Variants in STPG2 observed in about 807,000 individuals in gnomAD.
The protein encoded by STPG2 is sperm tail PG-rich repeat containing 2.
Under a neutral mutation model 54.2 loss-of-function variants are expected in STPG2, and 56 were observed. The observed-to-expected ratio is 1.03, with a 90% CI of 0.83 to 1.29. The LOEUF (loss-of-function observed/expected upper bound fraction) is 1.29, where lower values mean the gene tolerates loss of function less well. STPG2 is among the 50% of genes most tolerant of loss of function. The pLI is 0.00. For synonymous variants in STPG2, 200 were observed against 181.8 expected (o/e 1.10, Z -0.81); for missense variants, 596 against 544.9 (o/e 1.09, Z -0.93).
chr4:98,037,330 C>T (rs930960457), intron 5 of STPG2, among the ~76,000 whole-genome samples: 3 of 152,142 alleles, frequency 2.0e-5, no homozygotes, highest in Non-Finnish European at 4.4e-5. Context: ...AATGTATTCA[C>T]ATACTTTATG....
intron 4 of STPG2, among the ~76,000 whole-genome samples, chr4:97,490,341 T>C (rs1560630685): frequency 6.6e-6 from 1 of 151,604 alleles, no homozygotes; most frequent in Non-Finnish European, 1.5e-5. Flanking sequence ...TCTTTCAGTC[T>C]TCTTTCTACT....
rs186847921 is a variant in STPG2, at chr4:97,735,864, G to A, written c.1205-23050C>T. Among the ~76,000 whole-genome samples the A allele has an allele frequency of 2.3e-3, 353 of 152,022 alleles. 2 individuals carry two copies. Among genetic ancestry groups the A allele is most frequent in the Non-Finnish European group, 3.7e-3 (254 of 67,984 alleles). ...TCAATAGCAAAAACACAAATAACTCGATTTAAAAATGGGCAAAGGACCTAA... is the reference window on the plus strand; with the variant it reads ...TCAATAGCAAAAACACAAATAACTCAATTTAAAAATGGGCAAAGGACCTAA... On this transcript the variant is annotated intron_variant, in intron 9 of 10. Transcript: ENST00000295268.
At chr4:97,981,034 T>G in intron 6 of STPG2, 125 bp downstream of exon 6, 1 of 946,280 alleles carries the variant, frequency 1.1e-6, no homozygotes, top group Non-Finnish European at 1.5e-6. Context: ...TAAAAAATGT[T>G]GACTTAAAAT....
chr4:97,698,013 A>G (rs974447044), intron 10 of STPG2, among the ~76,000 whole-genome samples: 2 of 152,180 alleles, frequency 1.3e-5, no homozygotes, highest in African/African-American at 4.8e-5. Context: ...CTCAGCTCTG[A>G]AGGCTGCCAG....
At chr4:97,896,501 A>C (rs1730958013) in intron 8 of STPG2, among the ~76,000 whole-genome samples, 1 of 151,782 alleles carries the variant, frequency 6.6e-6, no homozygotes, top group Non-Finnish European at 1.5e-5. Context: ...TAAGGATGAC[A>C]GAAAATTTAA....
chr4:98,007,498 G>T (rs1735612110), intron 5 of STPG2, among the ~76,000 whole-genome samples: 1 of 152,194 alleles, frequency 6.6e-6, no homozygotes, highest in African/African-American at 2.4e-5. Flanking sequence ...AATAAGAAGT[G>T]ACTGCTTCTC....
chr4:97,855,503 A>C (rs2149135148), intron 8 of STPG2, among the ~76,000 whole-genome samples: 1 of 151,816 alleles, frequency 6.6e-6, no homozygotes, highest in Non-Finnish European at 1.5e-5. Context: ...TCCTTCGCCT[A>C]CTTTTTAATA....
intron 3 of STPG2, among the ~76,000 whole-genome samples, chr4:98,119,073 T>C (rs1739599482): frequency 6.6e-6 from 1 of 152,278 alleles, no homozygotes; most frequent in Admixed American, 6.5e-5. Context: ...CAATAGATGT[T>C]AAAACTATTA....
At chr4:98,040,147 C>G (rs538698741) in intron 5 of STPG2, among the ~76,000 whole-genome samples, 6 of 151,892 alleles carry the variant, frequency 4.0e-5, no homozygotes, top group Non-Finnish European at 5.9e-5. Context: ...TCTTTATGCC[C>G]TTTGCCCACT....
At chr4:97,509,806 T>G (rs1262867265) in intron 4 of STPG2, among the ~76,000 whole-genome samples, 2 of 152,096 alleles carry the variant, frequency 1.3e-5, no homozygotes, top group Non-Finnish European at 2.9e-5. Context: ...TAACATCTCA[T>G]AATAAGGTAA....
chr4:97,905,421 C>T (rs1205988227), intron 8 of STPG2, among the ~76,000 whole-genome samples: 1 of 151,758 alleles, frequency 6.6e-6, no homozygotes, highest in African/African-American at 2.4e-5. Context: ...GATTTTGTCA[C>T]CACCAGGCCT....
At chr4:97,508,125 AG>A (rs1560637147) in intron 4 of STPG2, among the ~76,000 whole-genome samples, 1 of 152,078 alleles carries the variant, frequency 6.6e-6, no homozygotes, top group African/African-American at 2.4e-5. Flanking sequence ...AGGTTTGTGA[AG>A]GAACCTGGAA....
At chr4:97,850,744 G>A in intron 8 of STPG2, among the ~76,000 whole-genome samples, 1 of 152,028 alleles carries the variant, frequency 6.6e-6, no homozygotes, top group African/African-American at 2.4e-5. Context: ...TCTTTGCATT[G>A]GTTAAAACTG....
chr4:97,782,384 C>T (rs1385186350), intron 9 of STPG2, among the ~76,000 whole-genome samples: 2 of 152,056 alleles, frequency 1.3e-5, no homozygotes, highest in African/African-American at 2.4e-5. Flanking sequence ...ATGTGAAGAA[C>T]CTCTTCAAGG....
chr4:97,660,843 G>T (rs58864230), intron 10 of STPG2, among the ~76,000 whole-genome samples: 18,425 of 152,050 alleles, frequency 0.12, 3,182 homozygotes, highest in African/African-American at 0.39. Flanking sequence ...AAATTACAGA[G>T]CTTAGATTGA....
At chr4:97,990,038 T>A (rs1250562938) in intron 5 of STPG2, among the ~76,000 whole-genome samples, 1 of 152,188 alleles carries the variant, frequency 6.6e-6, no homozygotes, top group Non-Finnish European at 1.5e-5. Context: ...CCAGAATTAC[T>A]TTTCTACTAT....
chr4:97,711,242 T>C (rs1379662061), intron 10 of STPG2, among the ~76,000 whole-genome samples: 1 of 152,168 alleles, frequency 6.6e-6, no homozygotes, highest in Non-Finnish European at 1.5e-5. Flanking sequence ...CATCAAACTA[T>C]GAACAACTAA....
chr4:97,706,462 T>C (rs1427265404), intron 10 of STPG2, among the ~76,000 whole-genome samples: 2 of 152,180 alleles, frequency 1.3e-5, no homozygotes, highest in Non-Finnish European at 2.9e-5. Flanking sequence ...AGAAGACAGC[T>C]GTCTGTGAAT....
intron 5 of STPG2, among the ~76,000 whole-genome samples, chr4:98,016,873 C>T (rs1735964610): frequency 6.6e-6 from 1 of 152,154 alleles, no homozygotes; most frequent in Admixed American, 6.5e-5. Flanking sequence ...AAGGAACAGG[C>T]TCTTATTCTA....
Sources: gnomAD v4.1 joint callset for allele counts (sites outside exome capture counted in the v4.1 genomes callset) on GRCh38, gnomAD v4.1.1 for gene constraint, MANE v1.5 for transcripts, NCBI Gene and HGNC (gene_info 2026-07-23, HGNC 2026-07-21) for gene names.